The following RDH12 variants were observed in gnomAD, a reference collection of about 807,000 sequenced individuals.
RDH12 encodes the protein retinol dehydrogenase 12.
Under a neutral mutation model 34.0 loss-of-function variants are expected in RDH12, and 21 were observed. The ratio of observed to expected loss-of-function variants is 0.62; its 90% CI spans 0.44 to 0.89. RDH12 has a LOEUF of 0.89. Ranked by LOEUF, RDH12 falls within the 40% of genes least tolerant of loss-of-function variation. The pLI, the probability that RDH12 is intolerant of heterozygous loss-of-function variation, is 0.00. For synonymous variants in RDH12, 198 were observed against 169.9 expected, an observed-to-expected ratio of 1.17 and a Z score of -1.29; for missense variants, 394 against 398.6, an observed-to-expected ratio of 0.99 and a Z score of 0.10.
At chr14:67,725,741 T>C (rs1416427529) in intron 5 of RDH12, among the ~76,000 whole-genome samples, 1 of 152,182 alleles carries the variant, frequency 6.6e-6, no homozygotes, top group African/African-American at 2.4e-5. Context: ...GAGTCGGTAG[T>C]TAGTACACAT....
At chr14:67,712,909 T>A (rs1334934035) in intron 1 of RDH12, among the ~76,000 whole-genome samples, 1 of 152,078 alleles carries the variant, frequency 6.6e-6, no homozygotes, top group Non-Finnish European at 1.5e-5. Context: ...CTTTTTTTTT[T>A]CTTTTGCTGG....
intron 1 of RDH12, among the ~76,000 whole-genome samples, chr14:67,708,720 G>T (rs1566838924): frequency 6.6e-6 from 1 of 151,356 alleles, no homozygotes; most frequent in Non-Finnish European, 1.5e-5. Context: ...ATTTGACTAT[G>T]CTTCCTGTAT....
intron 8 of RDH12, 70 bp downstream of exon 8, chr14:67,729,450 C>T: frequency 6.8e-7 from 1 of 1,475,618 alleles, no homozygotes; most frequent in Non-Finnish European, 9.3e-7. Flanking sequence ...CTGGGCTGTT[C>T]ATCCTGAGAA....
intron 1 of RDH12, among the ~76,000 whole-genome samples, chr14:67,711,014 T>C (rs1380803008): frequency 6.6e-6 from 1 of 152,214 alleles, no homozygotes; most frequent in Non-Finnish European, 1.5e-5. Context: ...ATCTTGCTTT[T>C]AACCTTCAAA....
At chr14:67,731,615 AT>A (rs1183923576) in intron 8 of RDH12, among the ~76,000 whole-genome samples, 7 of 151,914 alleles carry the variant, frequency 4.6e-5, no homozygotes, top group African/African-American at 1.7e-4. Flanking sequence ...TAAATATCAT[AT>A]TTTAATATAA....
intron 1 of RDH12, among the ~76,000 whole-genome samples, chr14:67,702,262 C>T (rs75724497): frequency 1.3e-5 from 2 of 152,108 alleles, no homozygotes; most frequent in African/African-American, 2.4e-5. Flanking sequence ...AGCCACCATG[C>T]CTGGCCTGTG....
intron 6 of RDH12, 131 bp downstream of exon 6, chr14:67,726,286 T>C: frequency 1.4e-6 from 1 of 719,974 alleles, no homozygotes; most frequent in Non-Finnish European, 2.6e-6. Context: ...ACTAGACCCA[T>C]TGGCTTGTTG....
intron 8 of RDH12, among the ~76,000 whole-genome samples, chr14:67,732,296 A>G (rs1406431997): frequency 6.6e-6 from 1 of 151,386 alleles, no homozygotes; most frequent in Non-Finnish European, 1.5e-5. Flanking sequence ...AAATTAGCCC[A>G]GCATTGTGGT....
Position 67,729,351 on chromosome 14 carries a change from C to T in RDH12, c.819C>T (p.Gly273=). 6.3e-7 allele frequency: 1 copy of T among 1,598,160 alleles called. No individual in the cohort carries two copies. Residue 273 remains glycine, a synonymous_variant, in exon 8 of 9, where the codon GGC becomes GGT. Transcript: ENST00000551171. The part of the protein sequence containing the change: ...QTSLHCALAE[G]LEPLSGKYFS... ...GCCTGCACTGCGCCCTGGCTGAGGG[C>T]CTGGAGCCCCTGAGTGGCAAGTACT...
intron 3 of RDH12, 132 bp downstream of exon 3, chr14:67,722,842 G>A: frequency 1.2e-6 from 1 of 819,230 alleles, no homozygotes; most frequent in African/African-American, 1.7e-5. Context: ...AAGCAGGAAG[G>A]AAGGGGGTGT....
At chr14:67,720,934 T>C (rs2038117483) in intron 2 of RDH12, 32 bp downstream of exon 2, 1 of 152,216 alleles carries the variant, frequency 6.6e-6, no homozygotes, top group Non-Finnish European at 1.5e-5. Flanking sequence ...GCAAGGATCT[T>C]AGATTTGAGT....
At chr14:67,730,443 T>C (rs1254651956) in intron 8 of RDH12, among the ~76,000 whole-genome samples, 1 of 152,230 alleles carries the variant, frequency 6.6e-6, no homozygotes, top group South Asian at 2.1e-4. Context: ...TCCGGAATAT[T>C]TCAGTAAGCA....
rs1451817026 is a variant in RDH12 at position 67,707,429 on chromosome 14, A to AAT, written c.-275+5505_-275+5506dup. Among the ~76,000 whole-genome samples, 11 of 151,798 alleles carry AAT rather than the reference A, an allele frequency of 7.2e-5. No individual in the cohort carries two copies. In the South Asian group the frequency reaches 2.3e-3, roughly 32 times the overall value. Reference sequence around the variant, plus strand: ...AATTATTTGTATACAGAGCAGCAAGAATATATATATATTTTTTGAGATGGA... The same window carrying AAT: ...AATTATTTGTATACAGAGCAGCAAGAATATATATATATATTTTTTGAGATGGA... On this transcript the variant is annotated intron_variant, in intron 1 of 8. Coordinates refer to ENST00000551171, the MANE Select transcript of RDH12 (RefSeq NM_152443.3).
At chr14:67,724,414 T>C (rs2038161124) in intron 3 of RDH12, 59 bp from the exon 4 acceptor site, 1 of 1,012,326 alleles carries the variant, frequency 9.9e-7, no homozygotes, top group African/African-American at 1.6e-5. Flanking sequence ...TTTTTTAACG[T>C]ATCTTAGTGT....
chr14:67,709,969 T>A (rs1367150082), intron 1 of RDH12, among the ~76,000 whole-genome samples: 1 of 152,210 alleles, frequency 6.6e-6, no homozygotes, highest in African/African-American at 2.4e-5. Flanking sequence ...CTAATTTGCC[T>A]CCTTTGGAAA....
intron 1 of RDH12, among the ~76,000 whole-genome samples, chr14:67,708,592 T>C (rs2037975802): frequency 6.6e-6 from 1 of 152,178 alleles, no homozygotes; most frequent in African/African-American, 2.4e-5. Flanking sequence ...ATTATAATTA[T>C]TACTGATAAT....
chr14:67,726,908 T>G, intron 6 of RDH12, 73 bp from the exon 7 acceptor site: 4 of 1,344,392 alleles, frequency 3.0e-6, no homozygotes, highest in Admixed American at 3.4e-5. Context: ...AACACTGAAG[T>G]CCTCTTGGCT....
At chr14:67,722,823 G>A in intron 3 of RDH12, 113 bp downstream of exon 3, 1 of 947,578 alleles carries the variant, frequency 1.1e-6, no homozygotes, top group East Asian at 2.4e-5. Context: ...GAGAAAGTCA[G>A]GGCAGGAAAA....
intron 5 of RDH12, 66 bp from the exon 6 acceptor site, chr14:67,725,985 A>G: frequency 1.9e-6 from 2 of 1,039,786 alleles, no homozygotes; most frequent in Non-Finnish European, 3.0e-6. Flanking sequence ...GCAATTATGC[A>G]GGTCTGTTAC....
Sources: allele counts gnomAD v4.1 joint callset (sites outside exome capture counted in the v4.1 genomes callset), GRCh38; gene constraint gnomAD v4.1.1; transcripts MANE v1.5; gene names NCBI Gene and HGNC (gene_info 2026-07-23, HGNC 2026-07-21).